ZNF827: variants seen among roughly 807,000 people sequenced by gnomAD.
The protein encoded by ZNF827 is zinc finger protein 827.
A neutral mutation model predicts 102.4 loss-of-function variants in ZNF827; 13 were observed. The observed-to-expected ratio is 0.13, with a 90% CI of 0.08 to 0.20. The LOEUF is 0.20. ZNF827 is among the 10% of genes least tolerant of loss of function. The pLI, the probability that ZNF827 is intolerant of heterozygous loss-of-function variation, is 1.00. For missense variants in ZNF827, 1,103 were observed against 1,344.4 expected (o/e 0.82, Z 2.81); for synonymous variants, 523 against 536.2 (o/e 0.98, Z 0.34).
At chr4:145,824,558 G>A (rs927248201) in intron 7 of ZNF827, among the ~76,000 whole-genome samples, 5 of 152,160 alleles carry the variant, frequency 3.3e-5, no homozygotes, top group Non-Finnish European at 5.9e-5. Context: ...CCAGGTCATG[G>A]GAGCCGAAGC....
At chr4:145,818,431 C>T (rs1742809821) in intron 8 of ZNF827, among the ~76,000 whole-genome samples, 1 of 152,194 alleles carries the variant, frequency 6.6e-6, no homozygotes, top group African/African-American at 2.4e-5. Flanking sequence ...AATGAGATGA[C>T]ATATGTCCTG....
intron 5 of ZNF827, among the ~76,000 whole-genome samples, chr4:145,856,021 T>C (rs981080710): frequency 6.6e-6 from 1 of 151,500 alleles, no homozygotes; most frequent in Non-Finnish European, 1.5e-5. Context: ...TGAGACAGAA[T>C]TTCTTTCTTC....
chr4:145,794,847 C>A (rs959682852), intron 8 of ZNF827, among the ~76,000 whole-genome samples: 1 of 152,170 alleles, frequency 6.6e-6, no homozygotes, highest in Admixed American at 6.5e-5. Flanking sequence ...TGCATAACAC[C>A]ATATCCCAAA....
chr4:145,836,057 T>C (rs904559706), intron 7 of ZNF827, among the ~76,000 whole-genome samples: 74 of 152,016 alleles, frequency 4.9e-4, no homozygotes, highest in Middle Eastern at 6.8e-3. Flanking sequence ...CGCTTTCACT[T>C]GGACTGACCC....
At chr4:145,874,727 G>C (rs1749007432) in intron 4 of ZNF827, among the ~76,000 whole-genome samples, 1 of 152,176 alleles carries the variant, frequency 6.6e-6, no homozygotes, top group Non-Finnish European at 1.5e-5. Context: ...AACTCAACTT[G>C]TCAAGGACTT....
chr4:145,800,622 A>G (rs990026921), intron 8 of ZNF827, among the ~76,000 whole-genome samples: 4 of 152,162 alleles, frequency 2.6e-5, no homozygotes, highest in African/African-American at 9.7e-5. Flanking sequence ...CTTTATGTAC[A>G]CATCTGCCAA....
chr4:145,851,287 T>C (rs200103434), intron 5 of ZNF827, among the ~76,000 whole-genome samples: 1 of 131,544 alleles, frequency 7.6e-6, no homozygotes, highest in South Asian at 2.4e-4. Context: ...GATAGATAGA[T>C]AGATAGATAG....
intron 1 of ZNF827, among the ~76,000 whole-genome samples, chr4:145,926,252 T>G (rs1252085515): frequency 6.6e-6 from 1 of 152,206 alleles, no homozygotes; most frequent in African/African-American, 2.4e-5. Flanking sequence ...ATTTACTCCC[T>G]TTTTCACTTG....
chr4:145,768,916 T>TATATATATATATATATATATATAAAAAA (rs34051922), intron 11 of ZNF827, among the ~76,000 whole-genome samples: 7 of 34,410 alleles, frequency 2.0e-4, no homozygotes, highest in African/African-American at 1.0e-4. Flanking sequence ...TATATATATA[T>TATATATATATATATATATATATAAAAAA]TAGGTATACA....
intron 8 of ZNF827, among the ~76,000 whole-genome samples, chr4:145,809,581 A>G (rs2126377339): frequency 6.6e-6 from 1 of 152,360 alleles, no homozygotes; most frequent in East Asian, 1.9e-4. Context: ...CTCAGGAGTC[A>G]CGTGGCCAGA....
chr4:145,773,233 GC>G (rs1200333716), intron 11 of ZNF827, among the ~76,000 whole-genome samples: 1 of 152,192 alleles, frequency 6.6e-6, no homozygotes, highest in Non-Finnish European at 1.5e-5. Flanking sequence ...CTCACCTGCT[GC>G]CCACAGGCTA....
intron 7 of ZNF827, among the ~76,000 whole-genome samples, chr4:145,842,271 G>GGATA (rs1745494560): frequency 6.6e-6 from 1 of 152,170 alleles, no homozygotes; most frequent in African/African-American, 2.4e-5. Context: ...GTATAACAGA[G>GGATA]GTATCAACAA....
In ZNF827 at chr4:145,886,139, C is replaced by G; in HGVS notation, c.1286G>C (p.Arg429Pro). 1 of 1,602,594 alleles carries G rather than the reference C, an allele frequency of 6.2e-7. No individual in the cohort carries two copies. The highest frequency in any genetic ancestry group is 8.5e-7 in the Non-Finnish European group (1 of 1,174,798). The change falls in exon 4 of 15, where the codon CGG becomes CCG. Residue 429 changes from arginine (R) to proline (P), a missense_variant. Arg to Pro is a moderately radical substitution (Grantham distance 103). Coordinates refer to ENST00000508784, the MANE Select transcript of ZNF827 (RefSeq NM_001306215.2). ...SHMKVHQHQD[R>P]GETFQCQLCP... ...CAGCTGGCACTGAAAGGTCTCTCCC[C>G]GATCCTGGTGCTGATGAACCTGACG...
intron 8 of ZNF827, among the ~76,000 whole-genome samples, chr4:145,783,908 TG>T (rs765781242): frequency 1.3e-5 from 2 of 152,176 alleles, no homozygotes; most frequent in African/African-American, 2.4e-5. Context: ...TGGGGCCTTG[TG>T]GGAGGTGATT....
At position 145,877,941 on chromosome 4, in the gene ZNF827, T is replaced by G. The variant is rs1001395485; in HGVS notation, c.1748-7463A>C. On this transcript the variant is annotated intron_variant, in intron 4 of 14. Coordinates refer to ENST00000508784, the MANE Select transcript of ZNF827 (RefSeq NM_001306215.2). ...TAACACGGCCAAAGAATGAAATGTA[T>G]GAGCAGCAATGGAGTGGTTTGCCTG... 2.6e-5 allele frequency among the ~76,000 whole-genome samples: 4 copies of G among 152,208 alleles called. No individual in the cohort carries two copies. The East Asian group carries it at 7.7e-4, about 29-fold the overall frequency.
chr4:145,863,685 A>C (rs1477345687), intron 5 of ZNF827, among the ~76,000 whole-genome samples: 2 of 148,584 alleles, frequency 1.3e-5, no homozygotes, highest in Non-Finnish European at 3.0e-5. Context: ...AGAATGGACA[A>C]AACTATTGAA....
chr4:145,784,453 C>A (rs543047776), intron 8 of ZNF827, among the ~76,000 whole-genome samples: 6 of 152,306 alleles, frequency 3.9e-5, no homozygotes, highest in African/African-American at 1.4e-4. Flanking sequence ...TTTTGACAGG[C>A]TTTAATTCCC....
At chr4:145,848,149 T>C (rs1003773156) in intron 6 of ZNF827, among the ~76,000 whole-genome samples, 18 of 152,348 alleles carry the variant, frequency 1.2e-4, no homozygotes, top group African/African-American at 4.1e-4. Flanking sequence ...ATTAAAGTTA[T>C]ATTGTTTTTA....
At chr4:145,899,035 G>A (rs1751200519) in intron 2 of ZNF827, among the ~76,000 whole-genome samples, 1 of 152,012 alleles carries the variant, frequency 6.6e-6, no homozygotes, top group Non-Finnish European at 1.5e-5. Context: ...GCTTTTTGTT[G>A]TTGTTCTTGG....
Sources: gnomAD v4.1 joint callset for allele counts (sites outside exome capture counted in the v4.1 genomes callset) on GRCh38, gnomAD v4.1.1 for gene constraint, MANE v1.5 for transcripts, NCBI Gene and HGNC (gene_info 2026-07-23, HGNC 2026-07-21) for gene names.